Variants in RPGRIP1L observed in about 807,000 individuals in gnomAD.
RPGRIP1L encodes RPGRIP1 like, also known as protein fantom.
In RPGRIP1L, 131 loss-of-function variants were observed where a neutral mutation model predicts 160.4. That is an observed-to-expected ratio of 0.82 (90% CI 0.71 to 0.94). The LOEUF (loss-of-function observed/expected upper bound fraction) is 0.94, where lower values mean the gene tolerates loss of function less well. Among genes scored for constraint, RPGRIP1L ranks in the 40% least tolerant of loss-of-function variants. The probability of loss-of-function intolerance (pLI) is 0.00; values close to 1 mark genes in which losing one functional copy is unlikely to be tolerated. For missense variants in RPGRIP1L, 1,522 were observed against 1,535.8 expected (o/e 0.99, Z 0.15); for synonymous variants, 510 against 515.8 (o/e 0.99, Z 0.15).
chr16:53,659,152 A>C, intron 10 of RPGRIP1L: 1 of 852,308 alleles, frequency 1.2e-6, no homozygotes, highest in Admixed American at 4.6e-5. Context: ...TGGGACTTCA[A>C]AGGAATGTTC....
intron 10 of RPGRIP1L, among the ~76,000 whole-genome samples, chr16:53,661,753 T>C (rs925477346): frequency 3.9e-5 from 6 of 152,204 alleles, no homozygotes; most frequent in African/African-American, 1.4e-4. Flanking sequence ...TAAACTTATT[T>C]ATTTAAATGT....
chr16:53,659,368 T>C (rs1234994856), intron 10 of RPGRIP1L: 1 of 186,820 alleles, frequency 5.4e-6, no homozygotes, highest in South Asian at 1.4e-4. Flanking sequence ...GATGAGAAAT[T>C]ACCTGTTGGG....
chr16:53,656,653 A>C, intron 13 of RPGRIP1L, 64 bp from the exon 14 acceptor site: 1 of 1,179,030 alleles, frequency 8.5e-7, no homozygotes, highest in East Asian at 2.3e-5. Flanking sequence ...TATTCAAAGC[A>C]ACTATGATTC....
At chr16:53,613,876 AG>A (rs1283197504) in intron 24 of RPGRIP1L, among the ~76,000 whole-genome samples, 10 of 152,186 alleles carry the variant, frequency 6.6e-5, no homozygotes, top group African/African-American at 2.4e-4. Flanking sequence ...ATAGATCCAG[AG>A]AAGGTTAGGA....
intron 6 of RPGRIP1L, among the ~76,000 whole-genome samples, chr16:53,685,478 G>A (rs1234168386): frequency 6.6e-6 from 1 of 152,182 alleles, no homozygotes; most frequent in African/African-American, 2.4e-5. Context: ...TGATAGGCTA[G>A]ATAAAGATAA....
chr16:53,619,250 T>C (rs935886814), intron 23 of RPGRIP1L, 42 bp from the exon 24 acceptor site: 1 of 1,563,166 alleles, frequency 6.4e-7, no homozygotes. Flanking sequence ...AGAAATAAAA[T>C]AATTGAACAA....
intron 6 of RPGRIP1L, among the ~76,000 whole-genome samples, chr16:53,683,932 A>T (rs1325564702): frequency 6.6e-6 from 1 of 152,192 alleles, no homozygotes; most frequent in African/African-American, 2.4e-5. Context: ...GGCTAGCCAT[A>T]TGCAGAAAAT....
intron 9 of RPGRIP1L, among the ~76,000 whole-genome samples, chr16:53,666,564 C>CTGTG (rs1003253635): frequency 1.8e-5 from 2 of 112,294 alleles, no homozygotes; most frequent in African/African-American, 8.2e-5. Context: ...GTGAGTACAT[C>CTGTG]TATGTGTGTG....
rs1879650018 is a variant in RPGRIP1L at position 53,599,080 on chromosome 16, G to A, written c.*2996C>T. 6.6e-6 allele frequency: 1 copy of A among 152,136 alleles called. No homozygotes were observed. The highest frequency in any genetic ancestry group is 2.1e-4 in the South Asian group (1 of 4,828). The allele number at this position is 152,136 out of a possible 1,614,324, so 9.4% of individuals were successfully genotyped here. A position where few individuals can be genotyped will look rare whatever the true frequency, so the allele number is the denominator to read the frequency against. ...GGTTTTCATTTTCACAGCTCTTGAT[G>A]TCAGATTACTAAAATAATTTATGTT... On this transcript the variant is annotated 3_prime_UTR_variant, in exon 27 of 27. Transcript: ENST00000647211.
intron 2 of RPGRIP1L, among the ~76,000 whole-genome samples, chr16:53,698,002 C>T (rs1452045324): frequency 1.3e-5 from 2 of 151,822 alleles, no homozygotes; most frequent in African/African-American, 4.8e-5. Context: ...TGGGGAGCGC[C>T]TTTGCCCTGC....
chr16:53,599,987 T>C lies in RPGRIP1L; in HGVS notation c.*2089A>G, dbSNP rs1189520881. 6.6e-6 allele frequency: 1 copy of C among 152,234 alleles called. No individual in the cohort carries two copies. The highest frequency in any genetic ancestry group is 6.5e-5 in the Admixed American group (1 of 15,282). 9.4% of individuals were successfully genotyped at this position (152,234 alleles called of 1,614,324 possible). ...TGTTTCTCTCATCTTGTCTGAGATA[T>C]ACATTCCATACAGGTGACTGGGTCC... On this transcript the variant is annotated 3_prime_UTR_variant, in exon 27 of 27. Transcript: ENST00000647211.
intron 10 of RPGRIP1L, among the ~76,000 whole-genome samples, chr16:53,664,465 G>C (rs1038649161): frequency 6.6e-6 from 1 of 152,046 alleles, no homozygotes; most frequent in Non-Finnish European, 1.5e-5. Context: ...TTTAATTGTT[G>C]TTAGTTTCTC....
intron 17 of RPGRIP1L, among the ~76,000 whole-genome samples, chr16:53,642,318 G>T (rs907195720): frequency 2.0e-5 from 3 of 151,846 alleles, no homozygotes; most frequent in Admixed American, 6.6e-5. Context: ...CTCAGCCTCC[G>T]GAGTAGCTGG....
In RPGRIP1L at chr16:53,656,577, C is replaced by A. The variant is rs781586792; in HGVS notation, c.1594G>T (p.Ala532Ser). The A allele has an allele frequency of 2.5e-6, 4 of 1,609,570 alleles. No homozygotes were observed. The African/African-American group carries it at 5.3e-5, about 22-fold the overall frequency. The change falls in exon 14 of 27, where the codon GCA becomes TCA. Residue 532 changes from alanine to serine, a missense_variant. Ala to Ser is a moderately conservative substitution (Grantham distance 99). Transcript: ENST00000647211. ...INKDYQMEVE[A>S]VTRKMENLQQ... ...AAATTTTCCATCTTACGGGTCACTG[C>A]CTCAACCTCCATCTACAAAATAAGG...
chr16:53,664,585 C>T (rs1968078335), intron 10 of RPGRIP1L, among the ~76,000 whole-genome samples: 1 of 152,100 alleles, frequency 6.6e-6, no homozygotes, highest in Non-Finnish European at 1.5e-5. Flanking sequence ...AAATACTTCT[C>T]AACTGTTGAG....
intron 9 of RPGRIP1L, among the ~76,000 whole-genome samples, chr16:53,666,309 T>C (rs1968243047): frequency 6.6e-6 from 1 of 152,122 alleles, no homozygotes; most frequent in Non-Finnish European, 1.5e-5. Context: ...GACATCTGTT[T>C]CTTCTATTAG....
rs1405913322 is a variant in RPGRIP1L at position 53,600,011 on chromosome 16, C to G, written c.*2065G>C. On this transcript the variant is annotated 3_prime_UTR_variant, in exon 27 of 27. Transcript: ENST00000647211. The stretch of plus-strand genomic sequence containing the variant: ...ATACATTCCATACAGGTGACTGGGT[C>G]CCATAAGTTTTCTAAGAAAAACTTT... 1 of 152,114 alleles carries G rather than the reference C, an allele frequency of 6.6e-6. No homozygotes were observed. Among genetic ancestry groups the G allele is most frequent in the Non-Finnish European group, 1.5e-5 (1 of 68,020 alleles). The allele number at this position is 152,114 out of a possible 1,614,324, so 9.4% of individuals were successfully genotyped here.
Position 53,641,461 on chromosome 16 carries a change from T to C in RPGRIP1L, c.2698A>G (p.Thr900Ala). The change falls in exon 18 of 27, where the codon ACA (threonine) becomes GCA (alanine). Residue 900 changes from threonine (T) to alanine (A), a missense_variant. Physicochemically the swap from Thr to Ala is moderately conservative, Grantham distance 58. Coordinates refer to ENST00000647211, the MANE Select transcript of RPGRIP1L (RefSeq NM_015272.5). The part of the protein sequence containing the change: ...DRCISGIFEL[T>A]DHQKHPAGTI... ...CCAGCAGGATGCTTTTGATGGTCTGTTAACTCAAATATTCCTGTCAAATTA... is the reference window on the plus strand; with the variant it reads ...CCAGCAGGATGCTTTTGATGGTCTGCTAACTCAAATATTCCTGTCAAATTA... 2 of 1,613,314 alleles carry C rather than the reference T, an allele frequency of 1.2e-6. No homozygotes were observed. Among genetic ancestry groups the C allele is most frequent in the Non-Finnish European group, 1.7e-6 (2 of 1,179,304 alleles).
chr16:53,642,201 T>C (rs920143485), intron 17 of RPGRIP1L, among the ~76,000 whole-genome samples: 2 of 151,700 alleles, frequency 1.3e-5, no homozygotes, highest in Non-Finnish European at 2.9e-5. Context: ...TTTTTTTAAA[T>C]AGACAGGTTC....
Sources: allele counts gnomAD v4.1 joint callset (sites outside exome capture counted in the v4.1 genomes callset), GRCh38; gene constraint gnomAD v4.1.1; transcripts MANE v1.5; gene names NCBI Gene and HGNC (gene_info 2026-07-23, HGNC 2026-07-21).